CNTN5: variants seen among roughly 807,000 people sequenced by gnomAD.
CNTN5 encodes the protein contactin 5.
In CNTN5, 77 loss-of-function variants were observed where a neutral mutation model predicts 129.1. The observed-to-expected ratio is 0.60, with a 90% CI of 0.50 to 0.72. CNTN5 has a LOEUF of 0.72. Among genes scored for constraint, CNTN5 ranks in the 30% least tolerant of loss-of-function variants. The pLI is 0.00. For synonymous variants in CNTN5, 509 were observed against 465.6 expected, an observed-to-expected ratio of 1.09 and a Z score of -1.20; for missense variants, 1,478 against 1,328.8, an observed-to-expected ratio of 1.11 and a Z score of -1.75.
At chr11:99,686,150 A>C (rs1455278595) in intron 3 of CNTN5, among the ~76,000 whole-genome samples, 1 of 151,944 alleles carries the variant, frequency 6.6e-6, no homozygotes, top group Non-Finnish European at 1.5e-5. Flanking sequence ...TATATCTTTT[A>C]ATCTGCAAAT....
intron 9 of CNTN5, among the ~76,000 whole-genome samples, chr11:100,032,336 C>T (rs1271447114): frequency 1.3e-5 from 2 of 151,944 alleles, no homozygotes; most frequent in Non-Finnish European, 2.9e-5. Flanking sequence ...GTTTATTTCA[C>T]TATGGAATAT....
chr11:100,270,966 G>T, intron 17 of CNTN5, 126 bp from the exon 18 acceptor site: 1 of 709,156 alleles, frequency 1.4e-6, no homozygotes, highest in Non-Finnish European at 2.3e-6. Context: ...GTGACACCAT[G>T]ACCACGTGTC....
intron 16 of CNTN5, among the ~76,000 whole-genome samples, chr11:100,250,888 T>C (rs1341322343): frequency 6.6e-6 from 1 of 152,148 alleles, no homozygotes; most frequent in Non-Finnish European, 1.5e-5. Flanking sequence ...AAGAGTTGTC[T>C]TCCACAGTGT....
chr11:99,132,565 A>G (rs1201838808), intron 1 of CNTN5, among the ~76,000 whole-genome samples: 1 of 152,198 alleles, frequency 6.6e-6, no homozygotes, highest in Non-Finnish European at 1.5e-5. Context: ...GTCTCAGGAT[A>G]CACAATCAAT....
chr11:100,342,183 A>ACACACACACACACACACAC (rs71053115), intron 23 of CNTN5, among the ~76,000 whole-genome samples: 2 of 150,770 alleles, frequency 1.3e-5, no homozygotes, highest in Admixed American at 6.6e-5. Context: ...ACACACACAC[A>ACACACACACACACACACAC]AGTCCATCAG....
At chr11:99,402,116 G>A (rs1485650718) in intron 2 of CNTN5, among the ~76,000 whole-genome samples, 1 of 152,144 alleles carries the variant, frequency 6.6e-6, no homozygotes, top group Admixed American at 6.5e-5. Flanking sequence ...GGGAATAACA[G>A]TGATCATAGT....
chr11:99,908,506 C>G (rs904754645), intron 6 of CNTN5, among the ~76,000 whole-genome samples: 1 of 151,792 alleles, frequency 6.6e-6, no homozygotes, highest in African/African-American at 2.4e-5. Context: ...TAAGACTGAT[C>G]TGAATTTGGA....
In CNTN5 at chr11:99,445,094, A is replaced by G. The variant is rs138799268; in HGVS notation, c.-70-111051A>G. ...TATACACAATTATATTTATATTTGT[A>G]TATTTATATATGTATATTTATATGC... On this transcript the variant is annotated intron_variant, in intron 2 of 24. Coordinates refer to ENST00000524871, the MANE Select transcript of CNTN5 (RefSeq NM_014361.4). Among the ~76,000 whole-genome samples, 1,063 of 148,424 alleles carry G rather than the reference A, an allele frequency of 7.2e-3. 21 individuals are homozygous for G. Among genetic ancestry groups the G allele is most frequent in the African/African-American group, 0.024 (991 of 40,874 alleles).
intron 3 of CNTN5, among the ~76,000 whole-genome samples, chr11:99,587,425 A>G (rs1949833202): frequency 1.3e-5 from 2 of 152,232 alleles, no homozygotes; most frequent in Admixed American, 1.3e-4. Context: ...AATAGCAGGT[A>G]TCTGCTATGG....
At chr11:99,022,438 C>T (rs1435217556) in intron 1 of CNTN5, among the ~76,000 whole-genome samples, 1 of 152,110 alleles carries the variant, frequency 6.6e-6, no homozygotes, top group Non-Finnish European at 1.5e-5. Context: ...AGGTCATTAA[C>T]TGTTTTTGAA....
intron 13 of CNTN5, among the ~76,000 whole-genome samples, chr11:100,142,968 T>C (rs1454526087): frequency 6.6e-6 from 1 of 152,168 alleles, no homozygotes; most frequent in Non-Finnish European, 1.5e-5. Context: ...TTTAAAATCT[T>C]GTATAAAATT....
At chr11:99,512,291 GGTAACATGCTGTGCAGGTCT>G (rs1201688953) in intron 2 of CNTN5, among the ~76,000 whole-genome samples, 2 of 152,126 alleles carry the variant, frequency 1.3e-5, no homozygotes, top group Non-Finnish European at 2.9e-5. Context: ...TGTGCAGCAC[GGTAACATGCTGTGCAGGTCT>G]GTAGCCTAGG....
intron 2 of CNTN5, among the ~76,000 whole-genome samples, chr11:99,446,889 C>G (rs1944094674): frequency 6.6e-6 from 1 of 152,186 alleles, no homozygotes; most frequent in Admixed American, 6.5e-5. Flanking sequence ...CTTAGCCTGG[C>G]TTTCAAAGAC....
At chr11:99,949,332 T>A (rs551885937) in intron 7 of CNTN5, among the ~76,000 whole-genome samples, 70 of 152,312 alleles carry the variant, frequency 4.6e-4, no homozygotes, top group African/African-American at 1.7e-3. Context: ...ATGGAACGAC[T>A]CCACAGCCTT....
In CNTN5 at chr11:99,390,672, T is replaced by A. The variant is rs140989811; in HGVS notation, c.-71+65188T>A. ...AAATTCAATGTCTCTAAAATTTTCC[T>A]GTGTTATTCGTTCTTAAATAAACTG... On this transcript the variant is annotated intron_variant, in intron 2 of 24. Coordinates refer to ENST00000524871, the MANE Select transcript of CNTN5 (RefSeq NM_014361.4). Among the ~76,000 whole-genome samples the A allele has an allele frequency of 8.7e-4, 132 of 152,264 alleles. 1 individual carries two copies. The Middle Eastern group carries it at 0.034, about 39-fold the overall frequency.
At chr11:99,087,576 G>A (rs767070214) in intron 1 of CNTN5, among the ~76,000 whole-genome samples, 6 of 152,082 alleles carry the variant, frequency 3.9e-5, no homozygotes, top group Non-Finnish European at 7.4e-5. Context: ...ATTTACCACC[G>A]TCATACATTT....
intron 6 of CNTN5, among the ~76,000 whole-genome samples, chr11:99,859,879 T>C (rs1948153606): frequency 6.6e-6 from 1 of 152,216 alleles, no homozygotes; most frequent in Non-Finnish European, 1.5e-5. Flanking sequence ...ATGAGATTGC[T>C]GGGTAGAATG....
chr11:100,145,441 A>T (rs1280798474), intron 13 of CNTN5, among the ~76,000 whole-genome samples: 1 of 152,094 alleles, frequency 6.6e-6, no homozygotes, highest in Non-Finnish European at 1.5e-5. Flanking sequence ...TAAATTTCTG[A>T]TGAGTGACTC....
chr11:99,498,696 G>A (rs1946319927), intron 2 of CNTN5, among the ~76,000 whole-genome samples: 1 of 152,110 alleles, frequency 6.6e-6, no homozygotes, highest in African/African-American at 2.4e-5. Context: ...CACCAGTGAG[G>A]GGTTTAAGAA....
Sources: gnomAD v4.1 joint callset for allele counts (sites outside exome capture counted in the v4.1 genomes callset) on GRCh38, gnomAD v4.1.1 for gene constraint, MANE v1.5 for transcripts, NCBI Gene and HGNC (gene_info 2026-07-23, HGNC 2026-07-21) for gene names.